Variants in CNOT4 observed in about 807,000 individuals in gnomAD.
CNOT4 encodes the protein CCR4-NOT transcription complex subunit 4.
CNOT4 carries 8 observed loss-of-function variants against 73.8 expected under a neutral mutation model. The observed-to-expected ratio is 0.11, with a 90% CI of 0.06 to 0.20. The LOEUF (loss-of-function observed/expected upper bound fraction) is 0.20, where lower values mean the gene tolerates loss of function less well. CNOT4 is among the 10% of genes least tolerant of loss of function. The pLI is 1.00. For synonymous variants in CNOT4, 293 were observed against 321.1 expected, an observed-to-expected ratio of 0.91 and a Z score of 0.94; for missense variants, 564 against 883.4, an observed-to-expected ratio of 0.64 and a Z score of 4.58.
chr7:135,384,629 A>C (rs180716369), intron 10 of CNOT4: 22 of 763,958 alleles, frequency 2.9e-5, no homozygotes, highest in Non-Finnish European at 4.8e-5. Flanking sequence ...TCAGGAGCTT[A>C]TCTCTTCCCA....
intron 1 of CNOT4, among the ~76,000 whole-genome samples, chr7:135,462,038 T>C (rs749802856): frequency 1.9e-4 from 29 of 152,022 alleles, no homozygotes; most frequent in Non-Finnish European, 4.0e-4. Context: ...TAAGAGTATA[T>C]TCACTTTATA....
At chr7:135,495,749 AG>A (rs1803518925) in intron 1 of CNOT4, among the ~76,000 whole-genome samples, 1 of 139,626 alleles carries the variant, frequency 7.2e-6, no homozygotes, top group African/African-American at 2.6e-5. Flanking sequence ...AAAGAAAGAA[AG>A]AAAGAAAGAA....
chr7:135,371,040 A>T (rs998941225), intron 10 of CNOT4, among the ~76,000 whole-genome samples: 1 of 152,122 alleles, frequency 6.6e-6, no homozygotes, highest in African/African-American at 2.4e-5. Context: ...TATTCTACCC[A>T]TTTTTCTACT....
At chr7:135,373,468 T>C (rs1388365650) in intron 10 of CNOT4, among the ~76,000 whole-genome samples, 1 of 152,252 alleles carries the variant, frequency 6.6e-6, no homozygotes, top group African/African-American at 2.4e-5. Flanking sequence ...AAATGAGTTT[T>C]ATCCCAGGCT....
intron 1 of CNOT4, 58 bp from the exon 2 acceptor site, chr7:135,438,481 AT>A: frequency 1.9e-6 from 1 of 518,124 alleles, no homozygotes; most frequent in Non-Finnish European, 3.2e-6. Context: ...ACAGTCAACA[AT>A]TAAGAGTCAC....
At chr7:135,480,236 G>T (rs1170977812) in intron 1 of CNOT4, among the ~76,000 whole-genome samples, 2 of 152,054 alleles carry the variant, frequency 1.3e-5, no homozygotes, top group African/African-American at 2.4e-5. Context: ...TTGATTTCTT[G>T]TCACTGGTCC....
chr7:135,489,275 A>G (rs996017830), intron 1 of CNOT4, among the ~76,000 whole-genome samples: 2 of 151,754 alleles, frequency 1.3e-5, no homozygotes, highest in Non-Finnish European at 2.9e-5. Flanking sequence ...TATAATCTAT[A>G]TTTTAAAATT....
intron 2 of CNOT4, among the ~76,000 whole-genome samples, chr7:135,424,698 A>G (rs1451612131): frequency 6.6e-6 from 1 of 152,170 alleles, no homozygotes; most frequent in East Asian, 1.9e-4. Flanking sequence ...CTGAGGCAGG[A>G]GAACTGCTTG....
chr7:135,482,128 T>C (rs186343320), intron 1 of CNOT4, among the ~76,000 whole-genome samples: 21 of 152,334 alleles, frequency 1.4e-4, no homozygotes, highest in African/African-American at 5.1e-4. Context: ...TTAAAGGTGA[T>C]AGATACCTCA....
rs867188032 is a variant in CNOT4, at chr7:135,394,209, C to T, written c.1336G>A (p.Ala446Thr). 7 of 1,613,942 alleles carry T rather than the reference C, an allele frequency of 4.3e-6. No homozygotes were observed. Among genetic ancestry groups the T allele is most frequent in the South Asian group, 3.3e-5 (3 of 91,080 alleles). Residue 446 changes from alanine to threonine, a missense_variant, in exon 10 of 12, where the codon GCC becomes ACC. By Grantham distance (58) the Ala-to-Thr change is moderately conservative (BLOSUM62 0). Coordinates refer to ENST00000541284, the MANE Select transcript of CNOT4 (RefSeq NM_001190850.2). ...LQNSSSHTTT[A>T]KGPGSGFLHP... ...AGGAATCCAGAGCCTGGACCTTTGG[C>T]GGTTGTAGTGTGTGAAGAGGAGTTC... is the stretch of plus-strand genomic sequence containing the variant.
At chr7:135,404,927 C>A (rs1412533253) in intron 7 of CNOT4, among the ~76,000 whole-genome samples, 1 of 152,122 alleles carries the variant, frequency 6.6e-6, no homozygotes, top group Non-Finnish European at 1.5e-5. Flanking sequence ...GCCTCAAGCA[C>A]CAGATATTTT....
At chr7:135,421,831 A>G (rs11765345) in intron 3 of CNOT4, among the ~76,000 whole-genome samples, 2 of 152,234 alleles carry the variant, frequency 1.3e-5, no homozygotes, top group Non-Finnish European at 2.9e-5. Context: ...GAGAAAAGAA[A>G]CAGAGTATTC....
Position 135,393,961 on chromosome 7 carries a change from G to C in CNOT4, c.1584C>G (p.Leu528=). Residue 528 remains leucine (L), a synonymous_variant, in exon 10 of 12, where the codon CTC becomes CTG. Coordinates refer to ENST00000541284, the MANE Select transcript of CNOT4 (RefSeq NM_001190850.2). ...CCAGACCTGTGTTGTGCTGTGGCGG[G>C]AGATTCAAGTCCAAGAAATTACTAT... ...TSNSNFLDLN[L]PPQHNTGLGG... is the part of the protein sequence containing the mutation. The C allele has an allele frequency of 6.2e-7, 1 of 1,613,088 alleles. No individual in the cohort carries two copies. The highest frequency in any genetic ancestry group is 1.7e-4 in the Middle Eastern group (1 of 6,060).
intron 2 of CNOT4, among the ~76,000 whole-genome samples, chr7:135,426,853 A>G (rs999858553): frequency 2.0e-5 from 3 of 149,478 alleles, no homozygotes; most frequent in South Asian, 4.3e-4. Context: ...AACCCGGGAG[A>G]TGGAGGTTGC....
chr7:135,505,749 A>T (rs1210254453), intron 1 of CNOT4, among the ~76,000 whole-genome samples: 1 of 152,196 alleles, frequency 6.6e-6, no homozygotes, highest in African/African-American at 2.4e-5. Flanking sequence ...TCTAAGTACT[A>T]AAATCTAAGG....
Position 135,438,356 on chromosome 7 carries a change from A to G in CNOT4, c.-25T>C. On this transcript the variant is annotated 5_prime_UTR_variant, in exon 2 of 12. Coordinates refer to ENST00000541284, the MANE Select transcript of CNOT4 (RefSeq NM_001190850.2). Reference sequence around the variant, plus strand: ...TCTTCACGTTTATTAAACAGCAGCAAAAGTTTATAATAATTTAAGGGAGAA... The same window carrying G: ...TCTTCACGTTTATTAAACAGCAGCAGAAGTTTATAATAATTTAAGGGAGAA... 2 of 1,568,128 alleles carry G rather than the reference A, an allele frequency of 1.3e-6. No individual in the cohort carries two copies. Among genetic ancestry groups the G allele is most frequent in the Non-Finnish European group, 1.7e-6 (2 of 1,156,692 alleles).
chr7:135,495,706 G>A (rs866912831), intron 1 of CNOT4, among the ~76,000 whole-genome samples: 10 of 34,728 alleles, frequency 2.9e-4, no homozygotes, highest in Middle Eastern at 0.011. Context: ...AAGAAAGAAA[G>A]AAAGAAAGAA....
At chr7:135,390,723 A>AAC (rs1177483291) in intron 10 of CNOT4, among the ~76,000 whole-genome samples, 2 of 152,186 alleles carry the variant, frequency 1.3e-5, no homozygotes, top group African/African-American at 4.8e-5. Context: ...GAACAAACCA[A>AAC]AAATAAAAAT....
intron 1 of CNOT4, among the ~76,000 whole-genome samples, chr7:135,453,847 T>TATATATATATATATAA (rs1554438701): frequency 1.4e-4 from 17 of 119,362 alleles, no homozygotes; most frequent in South Asian, 2.6e-4. Context: ...TATATATATA[T>TATATATATATATATAA]TATATATATA....
Sources: allele counts gnomAD v4.1 joint callset (sites outside exome capture counted in the v4.1 genomes callset), GRCh38; gene constraint gnomAD v4.1.1; transcripts MANE v1.5; gene names NCBI Gene and HGNC (gene_info 2026-07-23, HGNC 2026-07-21).